ZNF592: variants seen among roughly 807,000 people sequenced by gnomAD.
ZNF592 encodes spinocerebellar ataxia, autosomal recessive 5.
In ZNF592, 11 loss-of-function variants were observed where a neutral mutation model predicts 80.3. That is an observed-to-expected ratio of 0.14 (90% CI 0.09 to 0.23). The LOEUF is 0.23. ZNF592 is among the 10% of genes least tolerant of loss of function. ZNF592 has a pLI of 1.00. For synonymous variants in ZNF592, 646 were observed against 640.3 expected, an observed-to-expected ratio of 1.01 and a Z score of -0.13; for missense variants, 1,420 against 1,633.9, an observed-to-expected ratio of 0.87 and a Z score of 2.26.
In ZNF592 at chr15:84,796,242, ATATATATATATATATATATATATTTT is replaced by A. The variant is rs1360094627; in HGVS notation, c.2400-1626_2400-1601del. ...GTCTCAAAAAAAAAAAAAAAAAAAT[ATATATATATATATATATATATATTTT>A]ATATATATATATATATATATATATA... On this transcript the variant is annotated intron_variant, in intron 5 of 10. Transcript: ENST00000560079. Among the ~76,000 whole-genome samples the A allele has an allele frequency of 4.9e-3, 104 of 21,396 alleles. 2 individuals are homozygous for A. Among genetic ancestry groups the A allele is most frequent in the African/African-American group, 0.013 (49 of 3,826 alleles). The allele number at this position is 21,396 out of a possible 152,430, so 14.0% of individuals were successfully genotyped here. A position where few individuals can be genotyped will look rare whatever the true frequency, so the allele number is the denominator to read the frequency against.
At chr15:84,760,636 G>C (rs1315901821) in intron 1 of ZNF592, among the ~76,000 whole-genome samples, 1 of 152,102 alleles carries the variant, frequency 6.6e-6, no homozygotes, top group Admixed American at 6.6e-5. Context: ...GCATGTCTGC[G>C]GTGTGTGTGT....
At chr15:84,801,124 C>T (rs1402491484) in intron 10 of ZNF592, among the ~76,000 whole-genome samples, 2 of 152,186 alleles carry the variant, frequency 1.3e-5, no homozygotes, top group Non-Finnish European at 2.9e-5. Context: ...AGTTTGAGAC[C>T]AGCCTAGGCA....
intron 5 of ZNF592, among the ~76,000 whole-genome samples, chr15:84,795,338 T>C (rs1567075675): frequency 1.3e-5 from 2 of 152,244 alleles, no homozygotes; most frequent in African/African-American, 4.8e-5. Context: ...CTTAAAAAAC[T>C]GTGGTCAAGT....
chr15:84,766,706 AGT>A (rs10667788), intron 2 of ZNF592, among the ~76,000 whole-genome samples: 2,977 of 140,180 alleles, frequency 0.021, 90 homozygotes, highest in African/African-American at 0.074. Flanking sequence ...GATGAGAAAG[AGT>A]GTGTGTGTGT....
Position 84,767,853 on chromosome 15 carries a change from C to CT in ZNF592, c.-150+3047dup, listed in dbSNP as rs139211884. Among the ~76,000 whole-genome samples, 746 of 150,862 alleles carry CT rather than the reference C, an allele frequency of 4.9e-3. 6 individuals carry two copies. The highest frequency in any genetic ancestry group is 0.017 in the African/African-American group (696 of 41,104). On this transcript the variant is annotated intron_variant, in intron 2 of 10. Transcript: ENST00000560079. ...CAGTTTGTTCACGGACTTGTATTTT[C>CT]TTTTTTTTTATTTGTTTCTTTTCTT...
In ZNF592 at chr15:84,782,785, A is replaced by T. The variant is rs1161907941; in HGVS notation, c.110A>T (p.Asn37Ile). Reference protein sequence around the residue: ...KEAIQTPSEENESPLKPPGIC... With the variant: ...KEAIQTPSEEIESPLKPPGIC... The stretch of plus-strand genomic sequence containing the variant: ...GCCATCCAGACACCCAGTGAGGAGA[A>T]TGAGAGTCCCCTCAAACCTCCAGGC... The change falls in exon 4 of 11, where the codon AAT becomes ATT. Residue 37 changes from asparagine to isoleucine, a missense_variant. Physicochemically the swap from Asn to Ile is moderately radical, Grantham distance 149. Transcript: ENST00000560079. 1 of 1,614,122 alleles carries T rather than the reference A, an allele frequency of 6.2e-7. No homozygotes were observed. The highest frequency in any genetic ancestry group is 8.5e-7 in the Non-Finnish European group (1 of 1,180,028).
At chr15:84,764,300 A>G (rs990202883) in intron 1 of ZNF592, among the ~76,000 whole-genome samples, 3 of 152,234 alleles carry the variant, frequency 2.0e-5, no homozygotes, top group African/African-American at 4.8e-5. Flanking sequence ...ATAATGCTTA[A>G]CAAACATGTA....
intron 1 of ZNF592, among the ~76,000 whole-genome samples, chr15:84,762,729 C>T (rs560883987): frequency 1.3e-5 from 2 of 152,284 alleles, no homozygotes; most frequent in South Asian, 4.2e-4. Flanking sequence ...GCCCCCTGAC[C>T]TTGCCAGGAA....
chr15:84,761,130 A>AT (rs1397426696), intron 1 of ZNF592, among the ~76,000 whole-genome samples: 1 of 151,884 alleles, frequency 6.6e-6, no homozygotes, highest in Admixed American at 6.6e-5. Flanking sequence ...CACCTGGCTA[A>AT]TTTTTTTGTA....
intron 1 of ZNF592, among the ~76,000 whole-genome samples, chr15:84,755,763 C>T (rs1408983087): frequency 6.6e-6 from 1 of 152,168 alleles, no homozygotes; most frequent in African/African-American, 2.4e-5. Flanking sequence ...CAAAAACTGC[C>T]TAGAACTATG....
chr15:84,789,003 G>A (rs546566692), intron 4 of ZNF592, among the ~76,000 whole-genome samples: 2 of 151,398 alleles, frequency 1.3e-5, no homozygotes, highest in Non-Finnish European at 2.9e-5. Flanking sequence ...TTGAGGTCAC[G>A]AGTTCGAGAC....
intron 10 of ZNF592, 94 bp from the exon 11 acceptor site, chr15:84,801,768 TG>T: frequency 6.3e-7 from 1 of 1,589,444 alleles, no homozygotes; most frequent in South Asian, 1.1e-5. Flanking sequence ...CTGGCCTGGG[TG>T]GTGCTTTCTT....
intron 1 of ZNF592, among the ~76,000 whole-genome samples, chr15:84,753,928 C>G (rs577542383): frequency 6.6e-6 from 1 of 152,178 alleles, no homozygotes; most frequent in Non-Finnish European, 1.5e-5. Flanking sequence ...TCTGGTCCAG[C>G]GGCCTCCCTT....
At chr15:84,785,196 A>G (rs1227211961) in intron 4 of ZNF592, among the ~76,000 whole-genome samples, 1 of 152,040 alleles carries the variant, frequency 6.6e-6, no homozygotes, top group Non-Finnish European at 1.5e-5. Flanking sequence ...TTACTGGATG[A>G]TCTCCCTCTG....
chr15:84,779,664 A>AT (rs1310999973), intron 3 of ZNF592, among the ~76,000 whole-genome samples: 2 of 151,988 alleles, frequency 1.3e-5, no homozygotes, highest in African/African-American at 4.8e-5. Flanking sequence ...AAATCTCTAT[A>AT]AAAGTTTTTT....
At chr15:84,772,404 G>T (rs1375716429) in intron 2 of ZNF592, among the ~76,000 whole-genome samples, 1 of 151,900 alleles carries the variant, frequency 6.6e-6, no homozygotes, top group Non-Finnish European at 1.5e-5. Context: ...AAAAAAACTG[G>T]CCAGGCGTGG....
chr15:84,799,718 G>T lies in ZNF592; in HGVS notation c.3138-124G>T. On this transcript the variant is annotated intron_variant, in intron 9 of 10. Transcript: ENST00000560079. This position sits in a 1 kb window ranked among gnomAD's most constrained non-coding sequence, Gnocchi z 4.2. ...GGCCTGCTGGCTGGATCTCTCTGGG[G>T]TTCCCAGCACTAGCCAGCCCAGGAG... 1 of 1,466,066 alleles carries T rather than the reference G, an allele frequency of 6.8e-7. No homozygotes were observed. The highest frequency in any genetic ancestry group is 9.4e-7 in the Non-Finnish European group (1 of 1,061,478). 90.8% of individuals were successfully genotyped at this position (1,466,066 alleles called of 1,614,324 possible).
intron 10 of ZNF592, among the ~76,000 whole-genome samples, 153 bp from the exon 11 acceptor site, chr15:84,801,710 G>T (rs1963099862): frequency 6.6e-6 from 1 of 152,108 alleles, no homozygotes; most frequent in Non-Finnish European, 1.5e-5. Flanking sequence ...ACAAAACAAA[G>T]AATTGAAACA....
chr15:84,791,025 C>T, intron 5 of ZNF592, 142 bp downstream of exon 5: 1 of 914,076 alleles, frequency 1.1e-6, no homozygotes, highest in Non-Finnish European at 1.8e-6. Flanking sequence ...GGTATGTGGA[C>T]AGACATTTTT....
Sources: allele counts gnomAD v4.1 joint callset (sites outside exome capture counted in the v4.1 genomes callset), GRCh38; gene constraint gnomAD v4.1.1; non-coding constraint Gnocchi (gnomAD v3.1); transcripts MANE v1.5; gene names NCBI Gene and HGNC (gene_info 2026-07-23, HGNC 2026-07-21).